TTC28: variants seen among roughly 807,000 people sequenced by gnomAD.
TTC28 encodes tetratricopeptide repeat protein 28.
In TTC28, 61 loss-of-function variants were observed where a neutral mutation model predicts 198.0. The observed-to-expected ratio is 0.31, with a 90% CI of 0.25 to 0.38. TTC28 has a LOEUF of 0.38. Ranked by LOEUF, TTC28 falls within the 10% of genes least tolerant of loss-of-function variation. The pLI is 1.00. For missense variants in TTC28, 2,678 were observed against 3,164.0 expected (o/e 0.85, Z 3.69); for synonymous variants, 1,171 against 1,297.8 (o/e 0.90, Z 2.10).
intron 12 of TTC28, among the ~76,000 whole-genome samples, chr22:28,061,523 GT>G (rs987837163): frequency 5.9e-5 from 9 of 152,196 alleles, no homozygotes; most frequent in African/African-American, 2.2e-4. Flanking sequence ...AGATCAGATG[GT>G]TGTGGATGTG....
At chr22:28,543,919 G>A (rs912884047) in intron 2 of TTC28, among the ~76,000 whole-genome samples, 4 of 152,084 alleles carry the variant, frequency 2.6e-5, no homozygotes, top group Admixed American at 6.5e-5. Context: ...ATTGATTCTC[G>A]AATGTTAAAC....
chr22:28,673,427 C>T (rs2051922910), intron 1 of TTC28, among the ~76,000 whole-genome samples: 1 of 152,144 alleles, frequency 6.6e-6, no homozygotes, highest in Non-Finnish European at 1.5e-5. Flanking sequence ...TTGTATGTAG[C>T]TTCCCCCCCT....
chr22:28,479,096 C>T (rs2048207975), intron 2 of TTC28, among the ~76,000 whole-genome samples: 1 of 152,130 alleles, frequency 6.6e-6, no homozygotes, highest in Non-Finnish European at 1.5e-5. Flanking sequence ...AATCAAGCCA[C>T]AGCTGACCGG....
chr22:28,617,428 C>A (rs953830205), intron 2 of TTC28, among the ~76,000 whole-genome samples: 2 of 151,892 alleles, frequency 1.3e-5, no homozygotes, highest in Admixed American at 6.6e-5. Flanking sequence ...TCCTTTGAGC[C>A]TGGGAGTTTC....
In TTC28 at chr22:28,198,279, C is replaced by T. The variant is rs1389527742; in HGVS notation, c.934-34680G>A. On this transcript the variant is annotated intron_variant, in intron 5 of 22. Transcript: ENST00000397906. ...TAATCGATAGATGCCAGCAACACAC[C>T]CCCTCAAAATTTTGACAATCAAAAT... 2.6e-5 allele frequency among the ~76,000 whole-genome samples: 4 copies of T among 152,124 alleles called. No homozygotes were observed. The East Asian group carries it at 5.8e-4, about 22-fold the overall frequency.
chr22:28,132,177 T>C (rs1943074158), intron 6 of TTC28, among the ~76,000 whole-genome samples: 1 of 152,228 alleles, frequency 6.6e-6, no homozygotes, highest in African/African-American at 2.4e-5. Flanking sequence ...TCTTGGAGTC[T>C]AATACGTGAA....
chr22:28,150,542 C>T (rs1295253082), intron 6 of TTC28, among the ~76,000 whole-genome samples: 1 of 152,130 alleles, frequency 6.6e-6, no homozygotes, highest in African/African-American at 2.4e-5. Flanking sequence ...AAGGAATGAA[C>T]ATAAGACTAA....
In TTC28 at chr22:28,536,198, C is replaced by CAA. The variant is rs59506221; in HGVS notation, c.381+93352_381+93353dup. Among the ~76,000 whole-genome samples, 300 of 64,210 alleles carry CAA rather than the reference C, an allele frequency of 4.7e-3. 2 individuals carry two copies. Among genetic ancestry groups the CAA allele is most frequent in the East Asian group, 0.012 (23 of 1,936 alleles). The allele number at this position is 64,210 out of a possible 152,430, so 42.1% of individuals were successfully genotyped here. A position where few individuals can be genotyped will look rare whatever the true frequency, so the allele number is the denominator to read the frequency against. ...TGGGCGACAGAGCGAGACACCGTCTCAAAAAAAAAAAAAAAAAAAAAACAT... is the reference window on the plus strand; with the variant it reads ...TGGGCGACAGAGCGAGACACCGTCTCAAAAAAAAAAAAAAAAAAAAAAAACAT... On this transcript the variant is annotated intron_variant, in intron 2 of 22. Transcript: ENST00000397906.
chr22:28,636,915 G>T (rs955425968), intron 1 of TTC28, among the ~76,000 whole-genome samples: 3 of 150,414 alleles, frequency 2.0e-5, no homozygotes, highest in Non-Finnish European at 4.4e-5. Flanking sequence ...GTTTTTTGGT[G>T]TCACATCCAA....
intron 2 of TTC28, among the ~76,000 whole-genome samples, chr22:28,452,950 T>C (rs1210006311): frequency 1.3e-5 from 2 of 152,184 alleles, no homozygotes; most frequent in African/African-American, 4.8e-5. Context: ...GCTCTGGAAG[T>C]AGCCACAGCA....
chr22:28,142,946 G>A (rs750552778), intron 6 of TTC28, among the ~76,000 whole-genome samples: 5 of 152,314 alleles, frequency 3.3e-5, no homozygotes, highest in Admixed American at 6.5e-5. Context: ...CAAGCCATCT[G>A]TACATTTTTC....
chr22:28,549,648 T>G (rs916949555), intron 2 of TTC28, among the ~76,000 whole-genome samples: 10 of 152,208 alleles, frequency 6.6e-5, no homozygotes, highest in African/African-American at 2.4e-4. Flanking sequence ...GTTTGCCAAT[T>G]AATTGAACAA....
At chr22:28,197,923 T>C (rs1390106347) in intron 5 of TTC28, among the ~76,000 whole-genome samples, 1 of 152,042 alleles carries the variant, frequency 6.6e-6, no homozygotes, top group Non-Finnish European at 1.5e-5. Context: ...TCATTAGTGA[T>C]TAAGGGGTCA....
chr22:28,431,565 C>A (rs1016964286), intron 2 of TTC28, among the ~76,000 whole-genome samples: 1 of 152,158 alleles, frequency 6.6e-6, no homozygotes, highest in Non-Finnish European at 1.5e-5. Flanking sequence ...AACTTAAGAT[C>A]CCTCCTTTAA....
intron 5 of TTC28, among the ~76,000 whole-genome samples, chr22:28,181,827 G>A (rs945318681): frequency 2.0e-5 from 3 of 152,128 alleles, no homozygotes; most frequent in Non-Finnish European, 2.9e-5. Context: ...TGGGGAGGCC[G>A]AGGCTAGAAG....
intron 2 of TTC28, among the ~76,000 whole-genome samples, chr22:28,422,536 T>C (rs1413644928): frequency 6.6e-6 from 1 of 152,048 alleles, no homozygotes; most frequent in Non-Finnish European, 1.5e-5. Context: ...CCTCCCAGGT[T>C]CACGCCATTC....
chr22:28,275,974 T>C (rs1569234779), intron 5 of TTC28, among the ~76,000 whole-genome samples: 1 of 151,988 alleles, frequency 6.6e-6, no homozygotes, highest in African/African-American at 2.4e-5. Context: ...GTTTTATAGA[T>C]GGCTAAGAGA....
Position 27,991,726 on chromosome 22 carries a change from C to T in TTC28, c.5553+861G>A, listed in dbSNP as rs944415854. Reference sequence around the variant, plus strand: ...CAGAAGTGCTCCCACAGCTGTCCCCCCAGGGGCTTGGTCCAGACCCTCACT... The same window carrying T: ...CAGAAGTGCTCCCACAGCTGTCCCCTCAGGGGCTTGGTCCAGACCCTCACT... On this transcript the variant is annotated intron_variant, in intron 19 of 22. Transcript: ENST00000397906. 4.6e-5 allele frequency among the ~76,000 whole-genome samples: 7 copies of T among 152,350 alleles called. No individual in the cohort carries two copies. The East Asian group carries it at 1.3e-3, about 29-fold the overall frequency.
At chr22:28,193,700 A>G (rs984970686) in intron 5 of TTC28, among the ~76,000 whole-genome samples, 11 of 152,230 alleles carry the variant, frequency 7.2e-5, no homozygotes, top group Admixed American at 1.3e-4. Context: ...AGGTCATTAC[A>G]TAATGTTAAA....
Sources: gnomAD v4.1 joint callset for allele counts (sites outside exome capture counted in the v4.1 genomes callset) on GRCh38, gnomAD v4.1.1 for gene constraint, MANE v1.5 for transcripts, NCBI Gene and HGNC (gene_info 2026-07-23, HGNC 2026-07-21) for gene names.